Variants in ATP5PF observed in about 807,000 individuals in gnomAD.
ATP5PF encodes the protein ATP synthase peripheral stalk subunit F6, mitochondrial.
In ATP5PF, 7 loss-of-function variants were observed where a neutral mutation model predicts 12.0. That is an observed-to-expected ratio of 0.58 (90% CI 0.33 to 1.10). The LOEUF is 1.10. Ranked by LOEUF, ATP5PF falls within the 50% of genes least tolerant of loss-of-function variation. ATP5PF has a pLI of 0.03. For synonymous variants in ATP5PF, 41 were observed against 45.4 expected, an observed-to-expected ratio of 0.90 and a Z score of 0.39; for missense variants, 120 against 127.7, an observed-to-expected ratio of 0.94 and a Z score of 0.29.
intron 1 of ATP5PF, 104 bp from the exon 2 acceptor site, chr21:25,729,905 A>T (rs1448302052): frequency 7.7e-7 from 1 of 1,301,748 alleles, no homozygotes; most frequent in African/African-American, 1.5e-5. Context: ...GAATTACATC[A>T]TATCAGATCT....
intron 1 of ATP5PF, among the ~76,000 whole-genome samples, chr21:25,733,272 G>C (rs1295128232): frequency 2.0e-5 from 3 of 152,130 alleles, no homozygotes; most frequent in Admixed American, 6.5e-5. Context: ...GCTCACGCTT[G>C]TAATCCCAGC....
At chr21:25,727,053 A>G (rs1236511881) in intron 2 of ATP5PF, among the ~76,000 whole-genome samples, 2 of 152,252 alleles carry the variant, frequency 1.3e-5, no homozygotes, top group Non-Finnish European at 2.9e-5. Flanking sequence ...GCCACTAGCC[A>G]TATCTGGCTA....
intron 2 of ATP5PF, among the ~76,000 whole-genome samples, chr21:25,726,776 T>C (rs528992087): frequency 6.6e-6 from 1 of 152,352 alleles, no homozygotes; most frequent in Non-Finnish European, 1.5e-5. Flanking sequence ...ACTGCCTACC[T>C]AGCAATGAAC....
intron 1 of ATP5PF, among the ~76,000 whole-genome samples, chr21:25,731,039 C>A (rs947850720): frequency 3.9e-5 from 6 of 151,996 alleles, no homozygotes; most frequent in African/African-American, 1.4e-4. Flanking sequence ...GTCAGAGGTT[C>A]GAGACCAGCC....
At chr21:25,725,189 C>A in intron 3 of ATP5PF, 37 bp downstream of exon 3, 2 of 1,581,392 alleles carry the variant, frequency 1.3e-6, no homozygotes, top group Non-Finnish European at 1.7e-6. Context: ...CTTCACTTAT[C>A]CCCCACAAGA....
At chr21:25,733,167 C>T (rs2034846552) in intron 1 of ATP5PF, among the ~76,000 whole-genome samples, 1 of 152,006 alleles carries the variant, frequency 6.6e-6, no homozygotes, top group African/African-American at 2.4e-5. Context: ...AACAAATGAC[C>T]TCACAAGGTC....
chr21:25,724,905 T>C (rs1394330504), intron 3 of ATP5PF: 10 of 588,004 alleles, frequency 1.7e-5, no homozygotes. Flanking sequence ...ATGCAGAAGA[T>C]ACTATAATTC....
At chr21:25,732,019 G>C (rs976245900) in intron 1 of ATP5PF, among the ~76,000 whole-genome samples, 2 of 152,174 alleles carry the variant, frequency 1.3e-5, no homozygotes, top group African/African-American at 4.8e-5. Flanking sequence ...GTGTCCACAG[G>C]AGTGGGTGTG....
Position 25,724,907 on chromosome 21 carries a change from C to A in ATP5PF, c.290-230G>T, listed in dbSNP as rs561778215. On this transcript the variant is annotated intron_variant, in intron 3 of 3. Transcript: ENST00000284971. ...CATTTAACTACATATGCAGAAGATA[C>A]TATAATTCTCCCCAAATGTCAGATG... The A allele has an allele frequency of 3.3e-4, 195 of 587,044 alleles. 1 individual carries two copies. The highest frequency in any genetic ancestry group is 9.6e-5 in the Non-Finnish European group (33 of 342,516). 36.4% of individuals were successfully genotyped at this position (587,044 alleles called of 1,614,324 possible).
At chr21:25,729,904 C>CA in intron 1 of ATP5PF, 103 bp from the exon 2 acceptor site, 1 of 1,300,528 alleles carries the variant, frequency 7.7e-7, no homozygotes, top group Non-Finnish European at 1.1e-6. Context: ...AGAATTACAT[C>CA]ATATCAGATC....
chr21:25,728,563 G>T (rs551208201), intron 2 of ATP5PF, among the ~76,000 whole-genome samples: 1 of 152,166 alleles, frequency 6.6e-6, no homozygotes, highest in Admixed American at 6.5e-5. Context: ...TAAACCCCTG[G>T]GTGTACAGGT....
At chr21:25,727,248 T>C (rs1486217156) in intron 2 of ATP5PF, among the ~76,000 whole-genome samples, 1 of 152,232 alleles carries the variant, frequency 6.6e-6, no homozygotes, top group Admixed American at 6.5e-5. Flanking sequence ...ATGGCTATTT[T>C]AACTTTAATA....
rs1427081751 is a variant in ATP5PF at position 25,724,633 on chromosome 21, T to C, written c.*7A>G. 3 of 1,602,774 alleles carry C rather than the reference T, an allele frequency of 1.9e-6. No homozygotes were observed. Among genetic ancestry groups the C allele is most frequent in the Non-Finnish European group, 2.5e-6 (3 of 1,177,230 alleles). On this transcript the variant is annotated 3_prime_UTR_variant, in exon 4 of 4. Coordinates refer to ENST00000284971, the MANE Select transcript of ATP5PF (RefSeq NM_001003703.2). ...ACAAATTACCAGATTAATTTTACTT[T>C]ATTTCTTCAGGCCTGGGGTTTTTCG...
chr21:25,733,583 C>CA (rs71649634), intron 1 of ATP5PF, among the ~76,000 whole-genome samples: 6,754 of 146,810 alleles, frequency 0.046, 521 homozygotes, highest in African/African-American at 0.16. Flanking sequence ...CACATATATG[C>CA]AAAAAAAAAA....
At chr21:25,733,027 A>G (rs1348126690) in intron 1 of ATP5PF, among the ~76,000 whole-genome samples, 1 of 149,658 alleles carries the variant, frequency 6.7e-6, no homozygotes, top group East Asian at 1.9e-4. Flanking sequence ...TCCTACTATC[A>G]ATGCAATCAA....
At chr21:25,735,154 C>T (rs1189970761), upstream of ATP5PF, 7 of 647,444 alleles carry the variant, frequency 1.1e-5, no homozygotes, top group South Asian at 7.0e-5. Context: ...CTCCTTGAAA[C>T]CTTGCTCTGT....
chr21:25,731,303 C>T (rs2829887), intron 1 of ATP5PF, among the ~76,000 whole-genome samples: 51,274 of 152,104 alleles, frequency 0.34, 10,491 homozygotes, highest in Non-Finnish European at 0.45. Flanking sequence ...ACATTTTTCT[C>T]AGATTAAGGC....
At chr21:25,725,476 G>A (rs762643270) in intron 2 of ATP5PF, 126 bp from the exon 3 acceptor site, 91 of 1,136,392 alleles carry the variant, frequency 8.0e-5, no homozygotes, top group Admixed American at 1.3e-4. Context: ...AGTCTTGCTT[G>A]GTCGCCAGGC....
At chr21:25,734,971 C>T, upstream of ATP5PF, 1 of 1,566,038 alleles carries the variant, frequency 6.4e-7, no homozygotes. Flanking sequence ...GCCGCCGTTT[C>T]AGTCGGTCGA....
Sources: gnomAD v4.1 joint callset for allele counts (sites outside exome capture counted in the v4.1 genomes callset) on GRCh38, gnomAD v4.1.1 for gene constraint, MANE v1.5 for transcripts, NCBI Gene and HGNC (gene_info 2026-07-23, HGNC 2026-07-21) for gene names.